PARVA: variants seen among roughly 807,000 people sequenced by gnomAD.
PARVA encodes parvin alpha, also known as alpha-parvin.
A neutral mutation model predicts 52.6 loss-of-function variants in PARVA; 25 were observed. The observed-to-expected ratio is 0.48, with a 90% CI of 0.35 to 0.66. The LOEUF is 0.66. PARVA is among the 30% of genes least tolerant of loss of function. The pLI is 0.01. For missense variants in PARVA, 373 were observed against 450.9 expected, an observed-to-expected ratio of 0.83 and a Z score of 1.56; for synonymous variants, 185 against 179.1, an observed-to-expected ratio of 1.03 and a Z score of -0.26.
At chr11:12,433,981 T>C (rs1328040037) in intron 1 of PARVA, among the ~76,000 whole-genome samples, 2 of 152,192 alleles carry the variant, frequency 1.3e-5, no homozygotes, top group African/African-American at 4.8e-5. Flanking sequence ...CCAACACGCC[T>C]GATCCCACAG....
chr11:12,413,210 G>A (rs1387149881), intron 1 of PARVA, among the ~76,000 whole-genome samples: 3 of 152,208 alleles, frequency 2.0e-5, no homozygotes, highest in Non-Finnish European at 4.4e-5. Context: ...GGAAATTGAG[G>A]CCCGGGAACA....
chr11:12,474,110 C>G, intron 3 of PARVA, 127 bp downstream of exon 3: 2 of 735,518 alleles, frequency 2.7e-6, no homozygotes, highest in Non-Finnish European at 4.7e-6. Flanking sequence ...GCCCCTGCCT[C>G]AGGCAGTGAG....
At chr11:12,442,457 C>G (rs569466666) in intron 1 of PARVA, among the ~76,000 whole-genome samples, 30 of 152,076 alleles carry the variant, frequency 2.0e-4, no homozygotes, top group Non-Finnish European at 3.4e-4. Flanking sequence ...TATGTGGAGC[C>G]CAAGACAGGT....
At chr11:12,513,848 C>A in intron 9 of PARVA, 149 bp from the exon 10 acceptor site, 1 of 677,370 alleles carries the variant, frequency 1.5e-6, no homozygotes, top group South Asian at 1.8e-5. Flanking sequence ...ATGGCCTTTG[C>A]AGAGAGAGCT....
Position 12,527,844 on chromosome 11 carries a change from C to T in PARVA, c.1043-5C>T, listed in dbSNP as rs762573726. ...AACAATTGGTGTTTTTTGTTTTCTA[C>T]GCAGACATAGTCAACTGTGACCTGA... is the stretch of plus-strand genomic sequence containing the variant. On this transcript the variant is annotated splice_region_variant and splice_polypyrimidine_tract_variant and intron_variant, in intron 12 of 12. Coordinates refer to ENST00000334956, the MANE Select transcript of PARVA (RefSeq NM_018222.5). 2.2e-5 allele frequency: 35 copies of T among 1,606,392 alleles called. No homozygotes were observed. The highest frequency in any genetic ancestry group is 1.1e-4 in the South Asian group (10 of 90,808).
chr11:12,422,471 G>A (rs780516495), intron 1 of PARVA, among the ~76,000 whole-genome samples: 1 of 152,122 alleles, frequency 6.6e-6, no homozygotes, highest in African/African-American at 2.4e-5. Context: ...TAGTTGAGTG[G>A]GCTTGTCGTC....
In PARVA at chr11:12,508,099, TAAA is replaced by T. The variant is rs35314523; in HGVS notation, c.658-464_658-462del. Among the ~76,000 whole-genome samples, 423 of 91,794 alleles carry T rather than the reference TAAA, an allele frequency of 4.6e-3. 3 individuals are homozygous for T. The highest frequency in any genetic ancestry group is 0.014 in the African/African-American group (359 of 24,814). The allele number at this position is 91,794 out of a possible 152,430, so 60.2% of individuals were successfully genotyped here. On this transcript the variant is annotated intron_variant, in intron 6 of 12. Transcript: ENST00000334956. ...TTTAAAAGCTCCCATATTTATCAGT[TAAA>T]AAAAAAAAAAAAAAAAAAAACCAAA...
chr11:12,508,370 T>C (rs1941462480), intron 6 of PARVA, among the ~76,000 whole-genome samples: 1 of 152,234 alleles, frequency 6.6e-6, no homozygotes, highest in Non-Finnish European at 1.5e-5. Context: ...CCTACTTGTT[T>C]GGACTAAACA....
intron 1 of PARVA, among the ~76,000 whole-genome samples, chr11:12,460,209 T>C (rs886796358): frequency 6.6e-6 from 1 of 152,144 alleles, no homozygotes; most frequent in East Asian, 1.9e-4. Flanking sequence ...AGAAAGCAAA[T>C]GTTGCTACAT....
At chr11:12,458,267 C>T (rs1327104224) in intron 1 of PARVA, among the ~76,000 whole-genome samples, 4 of 152,214 alleles carry the variant, frequency 2.6e-5, no homozygotes, top group African/African-American at 7.2e-5. Context: ...CAGTCCTCGG[C>T]GCAGGGCCTG....
At position 12,409,022 on chromosome 11, in the gene PARVA, G is replaced by A. The variant is rs116136536; in HGVS notation, c.136+31239G>A. ...AAGCACGGAGGACCTGGGAGAGGCC[G>A]AGGGGGATGGTGCTAGATGTTGGGC... On this transcript the variant is annotated intron_variant, in intron 1 of 12. Coordinates refer to ENST00000334956, the MANE Select transcript of PARVA (RefSeq NM_018222.5). Among the ~76,000 whole-genome samples, 496 of 152,318 alleles carry A rather than the reference G, an allele frequency of 3.3e-3. 4 individuals carry two copies. Among genetic ancestry groups the A allele is most frequent in the African/African-American group, 0.012 (483 of 41,556 alleles).
At chr11:12,376,919 CCA>C (rs1939397168), upstream of PARVA, among the ~76,000 whole-genome samples, 1 of 152,188 alleles carries the variant, frequency 6.6e-6, no homozygotes, top group African/African-American at 2.4e-5. Flanking sequence ...ATTCATGTTT[CCA>C]CCACCACGTG....
At chr11:12,484,862 G>C (rs1158751500) in intron 4 of PARVA, among the ~76,000 whole-genome samples, 2 of 147,722 alleles carry the variant, frequency 1.4e-5, no homozygotes, top group South Asian at 2.2e-4. Flanking sequence ...GCCTAGGCTG[G>C]AGTGCAGTGG....
chr11:12,428,427 A>G (rs1020171756), intron 1 of PARVA, among the ~76,000 whole-genome samples: 2 of 152,186 alleles, frequency 1.3e-5, no homozygotes, highest in African/African-American at 4.8e-5. Context: ...ATGCTTCAAC[A>G]TTACTAAGCC....
intron 1 of PARVA, among the ~76,000 whole-genome samples, chr11:12,430,157 G>C (rs1344613): frequency 2.6e-5 from 4 of 151,902 alleles, no homozygotes; most frequent in African/African-American, 9.7e-5. Context: ...CCAATTTTGT[G>C]GTATCCCTGA....
intron 1 of PARVA, among the ~76,000 whole-genome samples, chr11:12,413,947 T>C (rs1940028304): frequency 6.6e-6 from 1 of 152,216 alleles, no homozygotes; most frequent in Admixed American, 6.5e-5. Context: ...CTTGGACTTT[T>C]GTCTCATGCC....
At chr11:12,378,538 T>A (rs1414652037) in intron 1 of PARVA, among the ~76,000 whole-genome samples, 1 of 151,762 alleles carries the variant, frequency 6.6e-6, no homozygotes, top group African/African-American at 2.4e-5. Context: ...AAACCTTTGT[T>A]TTTTCCCCAC....
chr11:12,507,332 G>A (rs983695815), intron 6 of PARVA, among the ~76,000 whole-genome samples: 1 of 152,154 alleles, frequency 6.6e-6, no homozygotes, highest in African/African-American at 2.4e-5. Context: ...GCATCCTCCA[G>A]GTGTCTGGTG....
chr11:12,433,639 CAG>C (rs1253498678), intron 1 of PARVA, among the ~76,000 whole-genome samples: 3 of 152,110 alleles, frequency 2.0e-5, no homozygotes, highest in Non-Finnish European at 4.4e-5. Flanking sequence ...GGCCTAGAAT[CAG>C]AGAGAATATT....
Sources: gnomAD v4.1 joint callset for allele counts (sites outside exome capture counted in the v4.1 genomes callset) on GRCh38, gnomAD v4.1.1 for gene constraint, MANE v1.5 for transcripts, NCBI Gene and HGNC (gene_info 2026-07-23, HGNC 2026-07-21) for gene names.